ANKS1B: variants seen among roughly 807,000 people sequenced by gnomAD.
ANKS1B encodes the protein ankyrin repeat and sterile alpha motif domain-containing protein 1B.
ANKS1B carries 36 observed loss-of-function variants against 148.3 expected under a neutral mutation model. That is an observed-to-expected ratio of 0.24 (90% confidence interval 0.19 to 0.32). ANKS1B has a LOEUF of 0.32. Among genes scored for constraint, ANKS1B ranks in the 10% least tolerant of loss-of-function variants. ANKS1B has a pLI of 1.00. For missense variants in ANKS1B, 1,157 were observed against 1,542.6 expected (o/e 0.75, Z 4.19); for synonymous variants, 542 against 560.8 (o/e 0.97, Z 0.47).
intron 8 of ANKS1B, among the ~76,000 whole-genome samples, chr12:99,743,858 A>G (rs958181936): frequency 3.3e-5 from 5 of 152,212 alleles, no homozygotes; most frequent in Non-Finnish European, 7.3e-5. Context: ...TAAAGTTCTG[A>G]TGCATCTTTA....
chr12:98,923,786 G>T (rs917654643), intron 17 of ANKS1B, among the ~76,000 whole-genome samples: 1 of 152,186 alleles, frequency 6.6e-6, no homozygotes, highest in Non-Finnish European at 1.5e-5. Context: ...GTAGAGCCAC[G>T]TAGAATTATC....
At chr12:98,929,934 A>G (rs1208181090) in intron 17 of ANKS1B, among the ~76,000 whole-genome samples, 1 of 152,100 alleles carries the variant, frequency 6.6e-6, no homozygotes, top group African/African-American at 2.4e-5. Context: ...AAAATATATA[A>G]TGGACATCAT....
chr12:99,389,503 G>A (rs763393657), intron 12 of ANKS1B, among the ~76,000 whole-genome samples: 3 of 152,088 alleles, frequency 2.0e-5, no homozygotes, highest in South Asian at 2.1e-4. Flanking sequence ...TTCAATTACC[G>A]TAAGCTTTTC....
chr12:99,874,773 T>C (rs2091901752), intron 1 of ANKS1B, among the ~76,000 whole-genome samples: 1 of 152,208 alleles, frequency 6.6e-6, no homozygotes, highest in South Asian at 2.1e-4. Flanking sequence ...AACTGGACAA[T>C]TTGCTTATTC....
At chr12:99,070,675 C>A (rs1456004850) in intron 16 of ANKS1B, among the ~76,000 whole-genome samples, 7 of 152,146 alleles carry the variant, frequency 4.6e-5, no homozygotes, top group Non-Finnish European at 1.0e-4. Context: ...TAACTTTGAT[C>A]TATGTATTAT....
chr12:99,196,814 A>G (rs2081439717), intron 14 of ANKS1B, among the ~76,000 whole-genome samples: 1 of 152,082 alleles, frequency 6.6e-6, no homozygotes, highest in Non-Finnish European at 1.5e-5. Context: ...CAATGAAAAG[A>G]AAAGGACAAC....
intron 8 of ANKS1B, among the ~76,000 whole-genome samples, chr12:99,685,543 T>C (rs974629227): frequency 3.3e-5 from 5 of 152,102 alleles, no homozygotes; most frequent in Non-Finnish European, 7.4e-5. Flanking sequence ...GAACTAAAAG[T>C]AGATCTACCG....
At chr12:98,760,901 G>C (rs544174643) in intron 25 of ANKS1B, among the ~76,000 whole-genome samples, 2 of 152,326 alleles carry the variant, frequency 1.3e-5, no homozygotes, top group African/African-American at 2.4e-5. Context: ...AACTGCCTAT[G>C]AACTTGAACT....
intron 12 of ANKS1B, among the ~76,000 whole-genome samples, chr12:99,282,673 G>C (rs935374845): frequency 1.3e-5 from 2 of 152,130 alleles, no homozygotes; most frequent in African/African-American, 2.4e-5. Flanking sequence ...TGATGTATCG[G>C]ATGTGCCATA....
intron 9 of ANKS1B, among the ~76,000 whole-genome samples, chr12:99,646,672 A>G (rs995643549): frequency 5.3e-5 from 8 of 150,732 alleles, no homozygotes; most frequent in African/African-American, 1.7e-4. Flanking sequence ...AAAAAAAAAA[A>G]AAAAAAAGAC....
Position 99,936,876 on chromosome 12 carries a change from T to G in ANKS1B, c.134+47228A>C, listed in dbSNP as rs116776229. On this transcript the variant is annotated intron_variant, in intron 1 of 26. Transcript: ENST00000683438. ...CAGTTTTATAACCTTATTTGATGTATTCAATGATCAGTAGTTTGTTCTCAT... is the reference window on the plus strand; with the variant it reads ...CAGTTTTATAACCTTATTTGATGTAGTCAATGATCAGTAGTTTGTTCTCAT... Among the ~76,000 whole-genome samples, 1,324 of 152,332 alleles carry G rather than the reference T, an allele frequency of 8.7e-3. 24 individuals carry two copies. The highest frequency in any genetic ancestry group is 0.03 in the African/African-American group (1,258 of 41,574).
chr12:99,373,265 A>G (rs1335755906), intron 12 of ANKS1B, among the ~76,000 whole-genome samples: 1 of 152,148 alleles, frequency 6.6e-6, no homozygotes, highest in Non-Finnish European at 1.5e-5. Context: ...AAGAGTCAGT[A>G]GATGCATCAA....
At chr12:99,667,336 G>T (rs551643211) in intron 8 of ANKS1B, among the ~76,000 whole-genome samples, 1 of 121,838 alleles carries the variant, frequency 8.2e-6, no homozygotes, top group Non-Finnish European at 1.6e-5. Flanking sequence ...GTGACAGAGC[G>T]AGACTCTGTC....
rs928701637 is a variant in ANKS1B at position 99,415,832 on chromosome 12, C to T, written c.1576-16021G>A. Among the ~76,000 whole-genome samples, 5 of 152,150 alleles carry T rather than the reference C, an allele frequency of 3.3e-5. No individual in the cohort carries two copies. The East Asian group carries it at 5.8e-4, about 18-fold the overall frequency. On this transcript the variant is annotated intron_variant, in intron 11 of 26. Coordinates refer to ENST00000683438, the MANE Select transcript of ANKS1B (RefSeq NM_001352186.2). ...CTAAGTAGCTGGGACTACAGGCGCCCGCCACCACGCCCGGCTAATTTTTTG... is the reference window on the plus strand; with the variant it reads ...CTAAGTAGCTGGGACTACAGGCGCCTGCCACCACGCCCGGCTAATTTTTTG...
In ANKS1B at chr12:99,053,273, A is replaced by T; in HGVS notation, c.2662T>A (p.Ser888Thr). ...ATGGAATCCAGCCACTCAGCTACAG[A>T]GGTGGGATGGTAGCCATCATGCCCA... ...PIGHDGYHPTSVAEWLDSIEL... is the reference protein window; with the variant it reads ...PIGHDGYHPTTVAEWLDSIEL... Residue 888 changes from serine (S) to threonine (T), a missense_variant, in exon 17 of 27, where the codon TCT (serine) becomes ACT (threonine). Physicochemically the swap from Ser to Thr is moderately conservative, Grantham distance 58. Around this residue, in one of 6 missense-constraint regions of ANKS1B, gnomAD observed 258 missense variants for 497.0 expected, o/e 0.52. Coordinates refer to ENST00000683438, the MANE Select transcript of ANKS1B (RefSeq NM_001352186.2). 6 of 1,611,282 alleles carry T rather than the reference A, an allele frequency of 3.7e-6. No homozygotes were observed. Among genetic ancestry groups the T allele is most frequent in the Non-Finnish European group, 5.1e-6 (6 of 1,178,746 alleles).
chr12:99,151,676 T>C (rs932356978), intron 15 of ANKS1B, among the ~76,000 whole-genome samples: 5 of 152,210 alleles, frequency 3.3e-5, no homozygotes, highest in Admixed American at 2.0e-4. Context: ...AGAGTATGTA[T>C]GTAGAACAGA....
chr12:99,477,980 G>A (rs149007465), intron 10 of ANKS1B, among the ~76,000 whole-genome samples: 107 of 152,244 alleles, frequency 7.0e-4, no homozygotes, highest in African/African-American at 2.4e-3. Context: ...ATGCTCACCA[G>A]TAGACAAAGA....
intron 25 of ANKS1B, among the ~76,000 whole-genome samples, chr12:98,762,070 T>C (rs539665056): frequency 6.6e-6 from 1 of 152,226 alleles, no homozygotes; most frequent in East Asian, 1.9e-4. Flanking sequence ...TGCAGACACG[T>C]TCAAGGGAAG....
At chr12:99,704,193 G>A (rs2153525553) in intron 8 of ANKS1B, among the ~76,000 whole-genome samples, 1 of 152,156 alleles carries the variant, frequency 6.6e-6, no homozygotes, top group Non-Finnish European at 1.5e-5. Context: ...TGGAGGCTGA[G>A]GATGCATCAA....
Sources: allele counts gnomAD v4.1 joint callset (sites outside exome capture counted in the v4.1 genomes callset), GRCh38; gene constraint gnomAD v4.1.1; regional missense constraint gnomAD v4.1.1; transcripts MANE v1.5; gene names NCBI Gene and HGNC (gene_info 2026-07-23, HGNC 2026-07-21).